The following SPAG16 variants were observed in gnomAD, a reference collection of about 807,000 sequenced individuals.
SPAG16 encodes sperm associated antigen 16.
A neutral mutation model predicts 80.4 loss-of-function variants in SPAG16; 86 were observed. The observed-to-expected ratio is 1.07, with a 90% CI of 0.90 to 1.28. The LOEUF (loss-of-function observed/expected upper bound fraction) is 1.28. Among genes scored for constraint, SPAG16 ranks in the 50% most tolerant of loss-of-function variants. The probability of loss-of-function intolerance (pLI) is 0.00; values close to 1 mark genes in which losing one functional copy is unlikely to be tolerated. For missense variants in SPAG16, 870 were observed against 765.3 expected (o/e 1.14, Z -1.61); for synonymous variants, 294 against 265.9 (o/e 1.11, Z -1.03).
intron 10 of SPAG16, among the ~76,000 whole-genome samples, chr2:213,760,306 C>A (rs2068585201): frequency 1.3e-5 from 2 of 151,854 alleles, no homozygotes; most frequent in African/African-American, 4.8e-5. Flanking sequence ...AGACTTTAAT[C>A]AAAAAGTTTA....
intron 10 of SPAG16, among the ~76,000 whole-genome samples, chr2:213,644,326 G>GT (rs2062738860): frequency 6.6e-6 from 1 of 151,966 alleles, no homozygotes; most frequent in Admixed American, 6.5e-5. Context: ...ACATTTCTCT[G>GT]TTTTTCCAGG....
At chr2:214,309,922 C>T (rs1695168010) in intron 15 of SPAG16, among the ~76,000 whole-genome samples, 1 of 152,140 alleles carries the variant, frequency 6.6e-6, no homozygotes. Context: ...TGCTGTTGCA[C>T]TAGAGGTGAT....
chr2:214,397,717 A>G (rs1052919806), intron 15 of SPAG16, among the ~76,000 whole-genome samples: 1 of 152,232 alleles, frequency 6.6e-6, no homozygotes, highest in African/African-American at 2.4e-5. Context: ...GAGGATAGAT[A>G]GATAGTCAAA....
intron 10 of SPAG16, among the ~76,000 whole-genome samples, chr2:213,788,434 G>A (rs775855278): frequency 4.0e-5 from 6 of 151,718 alleles, no homozygotes; most frequent in Non-Finnish European, 7.4e-5. Context: ...CTGTGATGAT[G>A]GAATTTTAGG....
At chr2:214,253,686 G>A (rs962796748) in intron 15 of SPAG16, among the ~76,000 whole-genome samples, 9 of 152,030 alleles carry the variant, frequency 5.9e-5, no homozygotes, top group South Asian at 2.1e-4. Context: ...TACCAGTACC[G>A]TGCTGTTTTG....
At chr2:213,348,207 C>T (rs2065108764) in intron 6 of SPAG16, among the ~76,000 whole-genome samples, 3 of 151,958 alleles carry the variant, frequency 2.0e-5, no homozygotes, top group South Asian at 2.1e-4. Flanking sequence ...GATTGCAACC[C>T]CTGCTTTTTT....
intron 13 of SPAG16, among the ~76,000 whole-genome samples, chr2:214,027,337 T>C (rs1377110523): frequency 6.6e-6 from 1 of 151,686 alleles, no homozygotes; most frequent in East Asian, 1.9e-4. Flanking sequence ...ATTATCAATG[T>C]ATTATACATA....
intron 15 of SPAG16, among the ~76,000 whole-genome samples, chr2:214,169,551 C>T (rs1456008228): frequency 2.0e-5 from 3 of 151,912 alleles, no homozygotes; most frequent in East Asian, 3.9e-4. Flanking sequence ...ATATTCTCTC[C>T]AATATTTTTG....
chr2:213,473,624 C>T (rs2125669446), intron 9 of SPAG16, among the ~76,000 whole-genome samples: 1 of 152,244 alleles, frequency 6.6e-6, no homozygotes, highest in Non-Finnish European at 1.5e-5. Context: ...GCTAACCAAG[C>T]AAATAAACTA....
intron 10 of SPAG16, among the ~76,000 whole-genome samples, chr2:213,646,729 T>A (rs2062837008): frequency 6.6e-6 from 1 of 152,252 alleles, no homozygotes; most frequent in African/African-American, 2.4e-5. Flanking sequence ...TATAATTTTG[T>A]ATACTGTGTG....
chr2:213,637,515 G>A (rs910579689), intron 10 of SPAG16, among the ~76,000 whole-genome samples: 13 of 152,112 alleles, frequency 8.5e-5, no homozygotes, highest in Admixed American at 7.2e-4. Flanking sequence ...AGTAGGATTG[G>A]TACCAATTCT....
At chr2:213,613,467 C>T (rs2061500777) in intron 10 of SPAG16, among the ~76,000 whole-genome samples, 1 of 152,178 alleles carries the variant, frequency 6.6e-6, no homozygotes, top group Non-Finnish European at 1.5e-5. Flanking sequence ...CTAGGTAATT[C>T]CATTCTCAGG....
At position 213,744,566 on chromosome 2, in the gene SPAG16, C is replaced by T. The variant is rs73986910; in HGVS notation, c.1071-117919C>T. On this transcript the variant is annotated intron_variant, in intron 10 of 15. Coordinates refer to ENST00000331683, the MANE Select transcript of SPAG16 (RefSeq NM_024532.5). The stretch of plus-strand genomic sequence containing the variant: ...GTTTTTAATACTTTTTAGCTAGAGA[C>T]TCCATCTGACAATGGAATCATCCAT... Among the ~76,000 whole-genome samples the T allele has an allele frequency of 1.4e-3, 214 of 152,228 alleles. 2 individuals carry two copies. The highest frequency in any genetic ancestry group is 4.8e-3 in the African/African-American group (201 of 41,548).
chr2:214,139,268 C>T (rs2055224209), intron 14 of SPAG16, among the ~76,000 whole-genome samples: 1 of 151,980 alleles, frequency 6.6e-6, no homozygotes. Flanking sequence ...AACATTAAGT[C>T]CTTCAGAGCA....
chr2:213,707,990 C>T (rs544006559), intron 10 of SPAG16, among the ~76,000 whole-genome samples: 1 of 152,074 alleles, frequency 6.6e-6, no homozygotes, highest in Non-Finnish European at 1.5e-5. Context: ...AATACTATGA[C>T]ATATGAGAGT....
At chr2:214,133,829 G>A (rs982067353) in intron 14 of SPAG16, among the ~76,000 whole-genome samples, 1 of 152,146 alleles carries the variant, frequency 6.6e-6, no homozygotes, top group Non-Finnish European at 1.5e-5. Flanking sequence ...TGGAGAATGG[G>A]ATAAAAAGCT....
At chr2:214,249,509 C>A (rs1036279678) in intron 15 of SPAG16, among the ~76,000 whole-genome samples, 5 of 151,894 alleles carry the variant, frequency 3.3e-5, no homozygotes, top group Admixed American at 1.3e-4. Context: ...TAACAGTACT[C>A]ACAGAAATGA....
chr2:214,170,376 T>C (rs1269392875), intron 15 of SPAG16, among the ~76,000 whole-genome samples: 2 of 151,994 alleles, frequency 1.3e-5, no homozygotes, highest in African/African-American at 4.8e-5. Flanking sequence ...CTCACATAAA[T>C]ACAAGATCAT....
chr2:214,266,146 A>ATGAG lies in SPAG16; in HGVS notation c.1720+116883_1720+116886dup, dbSNP rs146224510. Among the ~76,000 whole-genome samples, 475 of 152,052 alleles carry ATGAG rather than the reference A, an allele frequency of 3.1e-3. 4 individuals carry two copies. The highest frequency in any genetic ancestry group is 0.011 in the African/African-American group (455 of 41,548). The stretch of plus-strand genomic sequence containing the variant: ...ATGATATATGTTCAAGTCCTTATCT[A>ATGAG]TGAGTGTCTTTGTAAGTAACAAAGA... On this transcript the variant is annotated intron_variant, in intron 15 of 15. Transcript: ENST00000331683.
Sources: gnomAD v4.1 joint callset for allele counts (sites outside exome capture counted in the v4.1 genomes callset) on GRCh38, gnomAD v4.1.1 for gene constraint, MANE v1.5 for transcripts, NCBI Gene and HGNC (gene_info 2026-07-23, HGNC 2026-07-21) for gene names.